LSAMP: variants seen among roughly 807,000 people sequenced by gnomAD.
LSAMP encodes limbic system associated membrane protein.
In LSAMP, 7 loss-of-function variants were observed where a neutral mutation model predicts 38.6. That is an observed-to-expected ratio of 0.18 (90% CI 0.10 to 0.34). The LOEUF (loss-of-function observed/expected upper bound fraction) is 0.34, where lower values mean the gene tolerates loss of function less well. Among genes scored for constraint, LSAMP ranks in the 10% least tolerant of loss-of-function variants. LSAMP has a pLI of 1.00. For synonymous variants in LSAMP, 154 were observed against 166.8 expected (o/e 0.92, Z 0.59); for missense variants, 313 against 420.0 (o/e 0.75, Z 2.23).
chr3:116,335,128 A>G (rs916396624), intron 1 of LSAMP, among the ~76,000 whole-genome samples: 1 of 152,098 alleles, frequency 6.6e-6, no homozygotes, highest in Non-Finnish European at 1.5e-5. Context: ...GTTATTTACA[A>G]TAGCATAAAA....
intron 3 of LSAMP, among the ~76,000 whole-genome samples, chr3:115,869,415 A>T (rs1209681772): frequency 1.3e-5 from 2 of 152,102 alleles, no homozygotes; most frequent in Non-Finnish European, 2.9e-5. Context: ...ACATAATTTA[A>T]CTTGACAACT....
intron 3 of LSAMP, among the ~76,000 whole-genome samples, chr3:116,004,166 G>A (rs530730827): frequency 1.4e-3 from 217 of 152,160 alleles, no homozygotes; most frequent in Middle Eastern, 3.4e-3. Context: ...TCCAATTGAC[G>A]TTCAGGGCTT....
intron 1 of LSAMP, among the ~76,000 whole-genome samples, chr3:116,416,482 G>C (rs2049052438): frequency 6.6e-6 from 1 of 152,188 alleles, no homozygotes; most frequent in Non-Finnish European, 1.5e-5. Context: ...AATGGAGTTA[G>C]AAAGTGATTG....
At chr3:116,244,273 C>A (rs1400780806) in intron 1 of LSAMP, among the ~76,000 whole-genome samples, 5 of 152,138 alleles carry the variant, frequency 3.3e-5, no homozygotes, top group South Asian at 2.1e-4. Context: ...AAATGTTCTA[C>A]TTTATATCTT....
chr3:115,911,115 A>G (rs1162939693), intron 3 of LSAMP, among the ~76,000 whole-genome samples: 1 of 152,222 alleles, frequency 6.6e-6, no homozygotes, highest in African/African-American at 2.4e-5. Flanking sequence ...CAATTTTTAA[A>G]AGGAACATGT....
At chr3:116,334,985 A>G (rs1474654500) in intron 1 of LSAMP, among the ~76,000 whole-genome samples, 1 of 152,070 alleles carries the variant, frequency 6.6e-6, no homozygotes, top group African/African-American at 2.4e-5. Flanking sequence ...GAAAATCTTA[A>G]TAGTTCCACA....
chr3:116,039,927 C>T (rs1280460539), intron 2 of LSAMP, among the ~76,000 whole-genome samples: 1 of 152,088 alleles, frequency 6.6e-6, no homozygotes, highest in Admixed American at 6.5e-5. Context: ...ACATACATCG[C>T]TAAAGCCCTG....
chr3:116,070,955 G>A (rs894918212), intron 2 of LSAMP, among the ~76,000 whole-genome samples: 51 of 151,470 alleles, frequency 3.4e-4, no homozygotes, highest in Non-Finnish European at 4.9e-4. Context: ...CAGGAGAATC[G>A]CTTGAACCCT....
intron 2 of LSAMP, among the ~76,000 whole-genome samples, chr3:116,069,611 A>G (rs1707551608): frequency 6.6e-6 from 1 of 152,190 alleles, no homozygotes; most frequent in African/African-American, 2.4e-5. Flanking sequence ...AGAGAAGGTA[A>G]GGAGGCACAG....
chr3:115,953,032 T>G (rs1373760019), intron 3 of LSAMP, among the ~76,000 whole-genome samples: 1 of 152,172 alleles, frequency 6.6e-6, no homozygotes, highest in Non-Finnish European at 1.5e-5. Context: ...TCATGAGAGA[T>G]AGTGGTAGAA....
At chr3:116,354,845 A>G (rs149210078) in intron 1 of LSAMP, among the ~76,000 whole-genome samples, 2,656 of 146,424 alleles carry the variant, frequency 0.018, 44 homozygotes, top group Middle Eastern at 0.048. Flanking sequence ...GGGTGTATAT[A>G]TGTGTGTGTG....
intron 1 of LSAMP, among the ~76,000 whole-genome samples, chr3:116,286,962 C>G (rs942768732): frequency 1.4e-4 from 21 of 151,740 alleles, no homozygotes; most frequent in Non-Finnish European, 5.9e-5. Context: ...CCAGCTGTGA[C>G]TCCCTCATCC....
At chr3:115,847,505 G>A (rs1935197671) in intron 4 of LSAMP, among the ~76,000 whole-genome samples, 1 of 152,154 alleles carries the variant, frequency 6.6e-6, no homozygotes. Flanking sequence ...ATATGGTTTG[G>A]CTGTGTTCCC....
intron 3 of LSAMP, among the ~76,000 whole-genome samples, chr3:115,901,862 A>G (rs543180043): frequency 9.9e-5 from 15 of 152,276 alleles, no homozygotes; most frequent in Admixed American, 2.6e-4. Context: ...GGTTGTTTAC[A>G]AAAATTGACC....
chr3:115,828,262 G>A (rs552719466), intron 6 of LSAMP, among the ~76,000 whole-genome samples: 2 of 152,264 alleles, frequency 1.3e-5, no homozygotes, highest in South Asian at 4.1e-4. Flanking sequence ...CATACTTTTT[G>A]GGTTATCATA....
rs560560878 is a variant in LSAMP at position 116,027,857 on chromosome 3, G to A, written c.389-8217C>T. Among the ~76,000 whole-genome samples, 7 of 152,176 alleles carry A rather than the reference G, an allele frequency of 4.6e-5. No homozygotes were observed. In the South Asian group the frequency reaches 1.0e-3, roughly 23 times the overall value. ...ATTTCCCTAACCTCAAATAATTAGC[G>A]GTTATTATTTGTACTCAATTCAAAG... is the stretch of plus-strand genomic sequence containing the variant. On this transcript the variant is annotated intron_variant, in intron 2 of 6. Transcript: ENST00000490035.
intron 1 of LSAMP, among the ~76,000 whole-genome samples, chr3:116,097,311 A>C (rs1285333969): frequency 1.3e-5 from 2 of 152,218 alleles, no homozygotes; most frequent in Non-Finnish European, 2.9e-5. Context: ...CACAATCCAC[A>C]ATGCACTTAG....
chr3:116,088,508 T>C (rs1242354160), intron 1 of LSAMP, among the ~76,000 whole-genome samples: 2 of 152,180 alleles, frequency 1.3e-5, no homozygotes, highest in South Asian at 2.1e-4. Flanking sequence ...TTTAAAATCA[T>C]TGATGAATTA....
chr3:115,966,048 A>C (rs1938800354), intron 3 of LSAMP, among the ~76,000 whole-genome samples: 1 of 152,150 alleles, frequency 6.6e-6, no homozygotes, highest in African/African-American at 2.4e-5. Flanking sequence ...AGAAAACTAC[A>C]TTTCCCAGTT....
Sources: allele counts gnomAD v4.1 joint callset (sites outside exome capture counted in the v4.1 genomes callset), GRCh38; gene constraint gnomAD v4.1.1; transcripts MANE v1.5; gene names NCBI Gene and HGNC (gene_info 2026-07-23, HGNC 2026-07-21).